The following PBX1 variants were observed in gnomAD, a reference collection of about 807,000 sequenced individuals.
PBX1 encodes the protein PBX homeobox 1, also known as pre-B-cell leukemia transcription factor 1.
PBX1 carries 6 observed loss-of-function variants against 53.4 expected under a neutral mutation model. That is an observed-to-expected ratio of 0.11 (90% CI 0.06 to 0.22). The LOEUF is 0.22. Ranked by LOEUF, PBX1 falls within the 10% of genes least tolerant of loss-of-function variation. PBX1 has a pLI of 1.00. For missense variants in PBX1, 251 were observed against 551.4 expected (o/e 0.46, Z 5.46); for synonymous variants, 204 against 212.3 (o/e 0.96, Z 0.34).
chr1:164,789,709 C>T (rs191403392), intron 2 of PBX1, among the ~76,000 whole-genome samples: 3 of 152,244 alleles, frequency 2.0e-5, no homozygotes, highest in Admixed American at 2.0e-4. Context: ...AGTGTTGGGC[C>T]GCATGCAGGA....
intron 6 of PBX1, chr1:164,813,379 C>G (rs1407333274): frequency 1.3e-5 from 2 of 152,212 alleles, no homozygotes; most frequent in Non-Finnish European, 2.9e-5. Context: ...ATTTTCCCAG[C>G]ACTGCAGGTT....
At position 164,567,519 on chromosome 1, in the gene PBX1, C is replaced by T. The variant is rs561803164; in HGVS notation, c.265+4208C>T. Reference sequence around the variant, plus strand: ...GAAAGGAACTTACAAATCAGTTTTACCTGATGCTATCTTTCAGGTACAGTG... The same window carrying T: ...GAAAGGAACTTACAAATCAGTTTTATCTGATGCTATCTTTCAGGTACAGTG... On this transcript the variant is annotated intron_variant, in intron 2 of 8. Transcript: ENST00000420696. Among the ~76,000 whole-genome samples, 9 of 151,892 alleles carry T rather than the reference C, an allele frequency of 5.9e-5. No homozygotes were observed. The South Asian group carries it at 1.9e-3, about 32-fold the overall frequency.
Position 164,848,088 on chromosome 1 carries a change from G to T in PBX1, c.*1412G>T, listed in dbSNP as rs1464041294. On this transcript the variant is annotated 3_prime_UTR_variant, in exon 9 of 9. Transcript: ENST00000420696. ...AGTTGTATAAGAACGTGGCTCATGTGAACTTTTGCTAGCTTCATTTGAGGA... is the reference window on the plus strand; with the variant it reads ...AGTTGTATAAGAACGTGGCTCATGTTAACTTTTGCTAGCTTCATTTGAGGA... 1 of 1,052,570 alleles carries T rather than the reference G, an allele frequency of 9.5e-7. No homozygotes were observed. The highest frequency in any genetic ancestry group is 1.1e-6 in the Non-Finnish European group (1 of 871,396). The allele number at this position is 1,052,570 out of a possible 1,614,324, so 65.2% of individuals were successfully genotyped here. A position where few individuals can be genotyped will look rare whatever the true frequency, so the allele number is the denominator to read the frequency against.
intron 2 of PBX1, chr1:164,680,701 T>A (rs566429357): frequency 6.6e-6 from 1 of 152,348 alleles, no homozygotes; most frequent in South Asian, 2.1e-4. Flanking sequence ...TTTTTTCTCA[T>A]GGTGAACTGA....
intron 2 of PBX1, among the ~76,000 whole-genome samples, chr1:164,650,152 A>G (rs760063375): frequency 1.1e-4 from 16 of 151,726 alleles, no homozygotes; most frequent in Non-Finnish European, 1.9e-4. Context: ...ATGGAGTCAG[A>G]TTTGGAGACT....
At chr1:164,610,174 A>G (rs569406295) in intron 2 of PBX1, among the ~76,000 whole-genome samples, 32 of 152,252 alleles carry the variant, frequency 2.1e-4, no homozygotes, top group African/African-American at 7.2e-4. Flanking sequence ...CATCAGCCCA[A>G]TGCAGCAGGC....
intron 2 of PBX1, among the ~76,000 whole-genome samples, chr1:164,665,759 G>A (rs1158029013): frequency 6.6e-6 from 1 of 152,156 alleles, no homozygotes; most frequent in African/African-American, 2.4e-5. Context: ...TCAGGAATGT[G>A]GCCGCTTCCA....
chr1:164,627,497 C>T lies in PBX1; in HGVS notation c.265+64186C>T, dbSNP rs564555734. Among the ~76,000 whole-genome samples the T allele has an allele frequency of 3.3e-5, 5 of 152,254 alleles. No individual in the cohort carries two copies. The East Asian group carries it at 5.8e-4, about 18-fold the overall frequency. ...TGAGCTCACTTTGGCATGGTAGAGT[C>T]AGAGGTGGTGGCATTTGAGAATGGA... On this transcript the variant is annotated intron_variant, in intron 2 of 8. Transcript: ENST00000420696.
downstream of PBX1, among the ~76,000 whole-genome samples, chr1:164,855,053 A>G (rs1296728487): frequency 1.3e-5 from 2 of 148,378 alleles, no homozygotes; most frequent in African/African-American, 5.0e-5. Flanking sequence ...AGCTCAAATG[A>G]TCCTCCCACC....
chr1:164,688,486 G>A (rs762140778), intron 2 of PBX1, among the ~76,000 whole-genome samples: 2 of 152,064 alleles, frequency 1.3e-5, no homozygotes, highest in African/African-American at 2.4e-5. Context: ...ACTTACTTCC[G>A]CATTTGCTCA....
chr1:164,607,109 G>T (rs1458574032), intron 2 of PBX1, among the ~76,000 whole-genome samples: 2 of 152,214 alleles, frequency 1.3e-5, no homozygotes, highest in African/African-American at 4.8e-5. Flanking sequence ...GTAGATTGGG[G>T]TCAGATTATG....
chr1:164,797,506 T>C (rs752994266), intron 3 of PBX1, among the ~76,000 whole-genome samples: 2 of 152,196 alleles, frequency 1.3e-5, no homozygotes, highest in Non-Finnish European at 2.9e-5. Flanking sequence ...ATGAGCTTAC[T>C]ATATAGATCT....
intron 2 of PBX1, chr1:164,641,142 C>T (rs1475479689): frequency 6.5e-6 from 1 of 153,124 alleles, no homozygotes; most frequent in African/African-American, 2.4e-5. Context: ...CAGTTGTGTC[C>T]TCTCTGAGCT....
chr1:164,882,503 G>A (rs1177644604), intron 2 of PBX1, among the ~76,000 whole-genome samples: 3 of 152,194 alleles, frequency 2.0e-5, no homozygotes, highest in Admixed American at 6.5e-5. Context: ...TATCAAATGT[G>A]AAAAGTCTAT....
intron 2 of PBX1, among the ~76,000 whole-genome samples, chr1:164,872,468 T>G (rs888586858): frequency 6.6e-6 from 1 of 152,230 alleles, no homozygotes; most frequent in African/African-American, 2.4e-5. Context: ...TTCTCTTGCC[T>G]CTGCTGTTTT....
At chr1:164,838,373 A>G (rs996992087) in intron 8 of PBX1, among the ~76,000 whole-genome samples, 2 of 152,156 alleles carry the variant, frequency 1.3e-5, no homozygotes, top group African/African-American at 4.8e-5. Context: ...CTTGTTCAAA[A>G]CCAAGTTTGA....
chr1:164,583,472 A>T (rs571819615), intron 2 of PBX1, among the ~76,000 whole-genome samples: 3 of 151,730 alleles, frequency 2.0e-5, no homozygotes, highest in East Asian at 1.9e-4. Flanking sequence ...CTTTTAGTCT[A>T]CTCCTGACTT....
At position 164,701,327 on chromosome 1, in the gene PBX1, A is replaced by G. The variant is rs190644192; in HGVS notation, c.266-91167A>G. 5.1e-4 allele frequency among the ~76,000 whole-genome samples: 78 copies of G among 152,316 alleles called. 2 individuals are homozygous for G. The highest frequency in any genetic ancestry group is 2.1e-3 in the Admixed American group (32 of 15,302). On this transcript the variant is annotated intron_variant, in intron 2 of 8. Transcript: ENST00000420696. ...TGAACTTCACCAATTGTTATCTCAG[A>G]TATGGATATGCCTGAGGCCTGGGCA...
Position 164,821,635 on chromosome 1 carries a change from A to G in PBX1, c.1200+9A>G, listed in dbSNP as rs544098915. 4.4e-6 allele frequency: 7 copies of G among 1,607,646 alleles called. No individual in the cohort carries two copies. The South Asian group carries it at 6.6e-5, about 15-fold the overall frequency. ...GTCCGCAGGGCATCAGTGTAAGAAA[A>G]CAAGCCCCCCCACCCCCTGCTTTGT... On this transcript the variant is annotated intron_variant, in intron 8 of 8. Coordinates refer to ENST00000420696, the MANE Select transcript of PBX1 (RefSeq NM_002585.4).
Sources: allele counts gnomAD v4.1 joint callset (sites outside exome capture counted in the v4.1 genomes callset), GRCh38; gene constraint gnomAD v4.1.1; transcripts MANE v1.5; gene names NCBI Gene and HGNC (gene_info 2026-07-23, HGNC 2026-07-21).